SGCZ: variants seen among roughly 807,000 people sequenced by gnomAD.
The protein encoded by SGCZ is sarcoglycan zeta.
SGCZ carries 40 observed loss-of-function variants against 41.3 expected under a neutral mutation model. The observed-to-expected ratio is 0.97, with a 90% CI of 0.75 to 1.26. SGCZ has a LOEUF of 1.26. SGCZ is among the 50% of genes most tolerant of loss of function. The pLI, the probability that SGCZ is intolerant of heterozygous loss-of-function variation, is 0.00. For missense variants in SGCZ, 552 were observed against 369.8 expected (o/e 1.49, Z -4.04); for synonymous variants, 206 against 137.5 (o/e 1.50, Z -3.49).
chr8:14,272,891 ATGACT>A (rs1237405773), intron 3 of SGCZ, among the ~76,000 whole-genome samples: 1 of 152,288 alleles, frequency 6.6e-6, no homozygotes, highest in East Asian at 1.9e-4. Flanking sequence ...TATATTAGAA[ATGACT>A]TGGGTTAACT....
chr8:14,344,982 C>T (rs1215256087), intron 2 of SGCZ, among the ~76,000 whole-genome samples: 2 of 151,968 alleles, frequency 1.3e-5, no homozygotes, highest in Admixed American at 1.3e-4. Flanking sequence ...TGTAGGCATA[C>T]ACACTGGCAA....
rs1185619964 is a variant in SGCZ at position 14,726,487 on chromosome 8, AAAC to A, written c.40-171564_40-171562del. ...AAAAGCTGTTTATATATATTTCAAA[AAAC>A]AACATTTTAGATGGAAAATGCTATT... On this transcript the variant is annotated intron_variant, in intron 1 of 7. Transcript: ENST00000382080. 3.3e-5 allele frequency among the ~76,000 whole-genome samples: 5 copies of A among 151,656 alleles called. No individual in the cohort carries two copies. The East Asian group carries it at 9.7e-4, about 29-fold the overall frequency.
chr8:14,134,980 A>ACTGT (rs1183319378), intron 5 of SGCZ, among the ~76,000 whole-genome samples: 1 of 152,206 alleles, frequency 6.6e-6, no homozygotes, highest in African/African-American at 2.4e-5. Flanking sequence ...CCACTTACAT[A>ACTGT]CTGTCTATAG....
chr8:14,985,647 C>G (rs907098058), intron 1 of SGCZ, among the ~76,000 whole-genome samples: 1 of 152,076 alleles, frequency 6.6e-6, no homozygotes, highest in Non-Finnish European at 1.5e-5. Context: ...GTGTGCAAGT[C>G]AAAGCATCCA....
At chr8:14,595,816 T>A (rs534446236) in intron 1 of SGCZ, among the ~76,000 whole-genome samples, 2 of 152,228 alleles carry the variant, frequency 1.3e-5, no homozygotes, top group African/African-American at 2.4e-5. Context: ...TTAATTGTTC[T>A]GACAATTGTC....
At chr8:15,154,785 G>A (rs1231214934) in intron 1 of SGCZ, among the ~76,000 whole-genome samples, 1 of 152,174 alleles carries the variant, frequency 6.6e-6, no homozygotes, top group Non-Finnish European at 1.5e-5. Flanking sequence ...AGACTCTGAT[G>A]CCCATTGTTT....
intron 1 of SGCZ, among the ~76,000 whole-genome samples, chr8:14,934,561 A>G (rs1263608108): frequency 6.6e-6 from 1 of 151,866 alleles, no homozygotes; most frequent in African/African-American, 2.4e-5. Flanking sequence ...TACATTTCAG[A>G]GAGATAAAGA....
chr8:15,005,481 G>A (rs559017920), intron 1 of SGCZ, among the ~76,000 whole-genome samples: 47 of 151,956 alleles, frequency 3.1e-4, no homozygotes, highest in Middle Eastern at 3.4e-3. Flanking sequence ...ACAGGCATGC[G>A]CCACCACTCC....
intron 1 of SGCZ, among the ~76,000 whole-genome samples, chr8:15,076,014 C>T (rs1424703358): frequency 1.3e-5 from 2 of 151,578 alleles, no homozygotes; most frequent in Non-Finnish European, 2.9e-5. Flanking sequence ...AATGTCGAGA[C>T]ATAACTTTTG....
chr8:15,226,881 G>GA (rs1563195127), intron 1 of SGCZ, among the ~76,000 whole-genome samples: 1 of 152,184 alleles, frequency 6.6e-6, no homozygotes, highest in Non-Finnish European at 1.5e-5. Flanking sequence ...TTGGATGTAC[G>GA]GAATGATGAC....
chr8:14,935,937 A>G (rs1333628799), intron 1 of SGCZ, among the ~76,000 whole-genome samples: 2 of 151,964 alleles, frequency 1.3e-5, no homozygotes, highest in East Asian at 3.8e-4. Context: ...TATTTGTATC[A>G]GACACAGAAA....
chr8:14,152,508 A>G (rs988116966), intron 5 of SGCZ, among the ~76,000 whole-genome samples: 5 of 152,320 alleles, frequency 3.3e-5, no homozygotes, highest in Middle Eastern at 3.4e-3. Flanking sequence ...TTAAAGCACA[A>G]TGAAATATCA....
chr8:14,859,017 T>G (rs1049095311), intron 1 of SGCZ, among the ~76,000 whole-genome samples: 2 of 152,154 alleles, frequency 1.3e-5, no homozygotes, highest in Non-Finnish European at 2.9e-5. Context: ...CATATCTGAA[T>G]AACTTTTCTG....
intron 1 of SGCZ, among the ~76,000 whole-genome samples, chr8:14,639,776 G>A (rs1219780479): frequency 6.6e-6 from 1 of 151,582 alleles, no homozygotes; most frequent in Non-Finnish European, 1.5e-5. Flanking sequence ...TCTCATGTGA[G>A]AGACTTTTTT....
chr8:14,855,931 C>T (rs942493173), intron 1 of SGCZ, among the ~76,000 whole-genome samples: 1 of 152,052 alleles, frequency 6.6e-6, no homozygotes. Flanking sequence ...CATTAAAGGC[C>T]GATCCGAATT....
chr8:15,154,230 T>C (rs1460453476), intron 1 of SGCZ, among the ~76,000 whole-genome samples: 5 of 152,204 alleles, frequency 3.3e-5, no homozygotes, highest in Admixed American at 3.3e-4. Context: ...CTTTCACTAG[T>C]TTTGCTCCTA....
At chr8:14,393,285 A>G (rs1167619273) in intron 2 of SGCZ, among the ~76,000 whole-genome samples, 1 of 152,180 alleles carries the variant, frequency 6.6e-6, no homozygotes, top group African/African-American at 2.4e-5. Flanking sequence ...AACAAAAAGC[A>G]GCCTGTGAAG....
At chr8:15,071,158 A>T (rs1260996231) in intron 1 of SGCZ, among the ~76,000 whole-genome samples, 1 of 152,192 alleles carries the variant, frequency 6.6e-6, no homozygotes, top group Non-Finnish European at 1.5e-5. Context: ...TATAGTCTTT[A>T]GTAATGTGGC....
At chr8:14,143,254 G>T (rs73217971) in intron 5 of SGCZ, among the ~76,000 whole-genome samples, 1 of 152,118 alleles carries the variant, frequency 6.6e-6, no homozygotes, top group Non-Finnish European at 1.5e-5. Flanking sequence ...TAAGATTGCA[G>T]ACAGGGCAAT....
Sources: gnomAD v4.1 joint callset for allele counts (sites outside exome capture counted in the v4.1 genomes callset) on GRCh38, gnomAD v4.1.1 for gene constraint, MANE v1.5 for transcripts, NCBI Gene and HGNC (gene_info 2026-07-23, HGNC 2026-07-21) for gene names.